TMEM132C: variants seen among roughly 807,000 people sequenced by gnomAD.
The protein encoded by TMEM132C is protein phosphatase 1, regulatory subunit 152.
A neutral mutation model predicts 61.4 loss-of-function variants in TMEM132C; 29 were observed. The ratio of observed to expected loss-of-function variants is 0.47; its 90% CI spans 0.35 to 0.64. The LOEUF is 0.64. Among genes scored for constraint, TMEM132C ranks in the 30% least tolerant of loss-of-function variants. The pLI, the probability that TMEM132C is intolerant of heterozygous loss-of-function variation, is 0.00. For missense variants in TMEM132C, 1,408 were observed against 1,476.9 expected (o/e 0.95, Z 0.76); for synonymous variants, 656 against 633.1 (o/e 1.04, Z -0.54).
chr12:128,519,890 G>A (rs1340319804), intron 2 of TMEM132C, among the ~76,000 whole-genome samples: 1 of 152,190 alleles, frequency 6.6e-6, no homozygotes, highest in Admixed American at 6.5e-5. Flanking sequence ...ACTTCTGCTA[G>A]GTCTCTGCCC....
intron 4 of TMEM132C, among the ~76,000 whole-genome samples, chr12:128,655,966 A>C (rs1186404852): frequency 6.6e-6 from 1 of 152,242 alleles, no homozygotes; most frequent in Non-Finnish European, 1.5e-5. Context: ...TTTCACATAC[A>C]TAAGTAAGGC....
intron 1 of TMEM132C, among the ~76,000 whole-genome samples, chr12:128,342,958 C>T (rs1873027303): frequency 6.6e-6 from 1 of 152,188 alleles, no homozygotes; most frequent in South Asian, 2.1e-4. Flanking sequence ...TTCAGGGGTT[C>T]TGAACATCCT....
chr12:128,270,254 A>G (rs1293112317), intron 1 of TMEM132C, among the ~76,000 whole-genome samples: 1 of 152,172 alleles, frequency 6.6e-6, no homozygotes, highest in Non-Finnish European at 1.5e-5. Context: ...ATGTATTTCA[A>G]GATTTAGAAT....
intron 1 of TMEM132C, among the ~76,000 whole-genome samples, chr12:128,330,813 A>G (rs1179720932): frequency 6.6e-6 from 1 of 152,212 alleles, no homozygotes; most frequent in African/African-American, 2.4e-5. Context: ...TAGACTATGA[A>G]AAGAAGCTGT....
chr12:128,566,189 C>CAAAAAAAGAAAAAAAAAAAAAA (rs1874694199), intron 3 of TMEM132C, among the ~76,000 whole-genome samples: 1 of 67,858 alleles, frequency 1.5e-5, no homozygotes, highest in African/African-American at 5.0e-5. Context: ...CAAGCCTAAC[C>CAAAAAAAGAAAAAAAAAAAAAA]AAAAAAAAAA....
At chr12:128,399,194 C>T (rs7294609) in intron 1 of TMEM132C, among the ~76,000 whole-genome samples, 11,098 of 152,092 alleles carry the variant, frequency 0.073, 1,398 homozygotes, top group African/African-American at 0.25. Context: ...CTTTGGTACA[C>T]ACAAGTTTTT....
chr12:128,663,810 ACATGCACCCACATACAGG>A (rs1954420127), intron 4 of TMEM132C, among the ~76,000 whole-genome samples: 4 of 152,116 alleles, frequency 2.6e-5, no homozygotes, highest in Non-Finnish European at 4.4e-5. Context: ...ACATACAGGC[ACATGCACCCACATACAGG>A]CACACCCACC....
In TMEM132C at chr12:128,705,850, G is replaced by A. The variant is rs775116220; in HGVS notation, c.2882G>A (p.Gly961Asp). ...KYRHKQVPLE[G>D]QASMTHSHDW... The stretch of plus-strand genomic sequence containing the variant: ...AGGCACAAGCAAGTGCCCCTGGAAG[G>A]TCAGGCCTCCATGACCCACTCTCAC... Residue 961 changes from glycine to aspartate, a missense_variant, in exon 9 of 9, where the codon GGT becomes GAT. Physicochemically the swap from Gly to Asp is moderately conservative, Grantham distance 94 (BLOSUM62 -1). Transcript: ENST00000435159. The A allele has an allele frequency of 2.6e-6, 4 of 1,551,636 alleles. No individual in the cohort carries two copies. Among genetic ancestry groups the A allele is most frequent in the East Asian group, 4.9e-5 (2 of 40,914 alleles).
At chr12:128,412,333 T>C (rs754895667) in intron 1 of TMEM132C, among the ~76,000 whole-genome samples, 1 of 152,204 alleles carries the variant, frequency 6.6e-6, no homozygotes, top group Non-Finnish European at 1.5e-5. Flanking sequence ...TGCCTGGTTC[T>C]CACCCAATCC....
At chr12:128,511,430 G>A (rs936052272) in intron 2 of TMEM132C, among the ~76,000 whole-genome samples, 1 of 152,142 alleles carries the variant, frequency 6.6e-6, no homozygotes, top group Non-Finnish European at 1.5e-5. Flanking sequence ...CTCCATAGAG[G>A]GATTCACAGA....
intron 2 of TMEM132C, among the ~76,000 whole-genome samples, chr12:128,479,765 C>T (rs931381143): frequency 6.6e-6 from 1 of 152,200 alleles, no homozygotes; most frequent in African/African-American, 2.4e-5. Flanking sequence ...TGACCTTAAG[C>T]AAACGTCTTA....
intron 1 of TMEM132C, among the ~76,000 whole-genome samples, chr12:128,365,483 G>T (rs1873834700): frequency 6.6e-6 from 1 of 151,928 alleles, no homozygotes; most frequent in African/African-American, 2.4e-5. Context: ...AGCATACTTT[G>T]ACTATTAATT....
Position 128,598,386 on chromosome 12 carries a change from A to G in TMEM132C, c.1122-17766A>G, listed in dbSNP as rs555235285. ...GGGAGGCGGAGATTGCAGTGAGCCAAGATCAGGCCCCTGCACTCCAGCCAG... is the reference window on the plus strand; with the variant it reads ...GGGAGGCGGAGATTGCAGTGAGCCAGGATCAGGCCCCTGCACTCCAGCCAG... On this transcript the variant is annotated intron_variant, in intron 3 of 8. Transcript: ENST00000435159. Among the ~76,000 whole-genome samples, 3 of 152,286 alleles carry G rather than the reference A, an allele frequency of 2.0e-5. No homozygotes were observed. In the South Asian group the frequency reaches 6.2e-4, roughly 32 times the overall value.
chr12:128,428,642 C>T (rs527647283), intron 2 of TMEM132C, among the ~76,000 whole-genome samples: 4 of 152,186 alleles, frequency 2.6e-5, no homozygotes, highest in South Asian at 2.1e-4. Flanking sequence ...AAGAGAAAAT[C>T]GGGGTGCAGG....
chr12:128,557,006 AG>A (rs1193586467), intron 3 of TMEM132C, among the ~76,000 whole-genome samples: 2 of 152,218 alleles, frequency 1.3e-5, no homozygotes, highest in African/African-American at 4.8e-5. Flanking sequence ...AGTGAAAAAC[AG>A]GGGAACTCCT....
At chr12:128,288,651 C>G (rs902384988) in intron 1 of TMEM132C, 5 of 152,258 alleles carry the variant, frequency 3.3e-5, no homozygotes, top group Non-Finnish European at 7.3e-5. Context: ...ACAGGACTTT[C>G]TGAACGGTGA....
At chr12:128,513,255 G>C (rs1476099118) in intron 2 of TMEM132C, among the ~76,000 whole-genome samples, 1 of 152,132 alleles carries the variant, frequency 6.6e-6, no homozygotes, top group East Asian at 1.9e-4. Flanking sequence ...AAGTGGGAAG[G>C]TCCATGGCTG....
chr12:128,509,307 G>A (rs1194879550), intron 2 of TMEM132C, among the ~76,000 whole-genome samples: 4 of 152,102 alleles, frequency 2.6e-5, no homozygotes, highest in Non-Finnish European at 5.9e-5. Context: ...GCGGGCGGGA[G>A]GGGAAGGAGG....
rs191063762 is a variant in TMEM132C, at chr12:128,368,896, G to A, written c.86-45836G>A. Among the ~76,000 whole-genome samples the A allele has an allele frequency of 3.3e-5, 5 of 152,292 alleles. No homozygotes were observed. In the East Asian group the frequency reaches 9.7e-4, roughly 29 times the overall value. On this transcript the variant is annotated intron_variant, in intron 1 of 8. Transcript: ENST00000435159. ...GCACGAAGAGAGGCTTTGGGGAACT[G>A]AACTCGCCCCTGAGACTCTAGAGAA...
Sources: gnomAD v4.1 joint callset for allele counts (sites outside exome capture counted in the v4.1 genomes callset) on GRCh38, gnomAD v4.1.1 for gene constraint, MANE v1.5 for transcripts, NCBI Gene and HGNC (gene_info 2026-07-23, HGNC 2026-07-21) for gene names.